HNRNPLL: variants seen among roughly 807,000 people sequenced by gnomAD.
HNRNPLL encodes heterogeneous nuclear ribonucleoprotein L-like.
Under a neutral mutation model 67.1 loss-of-function variants are expected in HNRNPLL, and 25 were observed. The ratio of observed to expected loss-of-function variants is 0.37; its 90% CI spans 0.27 to 0.52. The LOEUF is 0.52. Among genes scored for constraint, HNRNPLL ranks in the 20% least tolerant of loss-of-function variants. HNRNPLL has a pLI of 0.90. For missense variants in HNRNPLL, 542 were observed against 673.9 expected, an observed-to-expected ratio of 0.80 and a Z score of 2.17; for synonymous variants, 267 against 241.7, an observed-to-expected ratio of 1.10 and a Z score of -0.97.
intron 8 of HNRNPLL, among the ~76,000 whole-genome samples, chr2:38,570,159 T>TA (rs1448302113): frequency 1.3e-5 from 2 of 152,198 alleles, no homozygotes; most frequent in East Asian, 3.8e-4. Flanking sequence ...CTAACTCTGT[T>TA]ATGTATTAAT....
At chr2:38,599,488 G>A (rs567254292) in intron 1 of HNRNPLL, among the ~76,000 whole-genome samples, 2 of 152,100 alleles carry the variant, frequency 1.3e-5, no homozygotes, top group South Asian at 4.1e-4. Flanking sequence ...AAAAGTAACT[G>A]TATAATATGT....
chr2:38,597,176 G>A (rs1667228440), intron 1 of HNRNPLL, among the ~76,000 whole-genome samples: 3 of 152,184 alleles, frequency 2.0e-5, no homozygotes, highest in Non-Finnish European at 4.4e-5. Context: ...ATAAACATTA[G>A]TTGGCACATC....
chr2:38,573,571 G>A (rs747748563), intron 7 of HNRNPLL, 144 bp from the exon 8 acceptor site: 4 of 613,086 alleles, frequency 6.5e-6, no homozygotes, highest in Non-Finnish European at 1.1e-5. Flanking sequence ...TCAAATGTAT[G>A]AATATTTCAG....
rs371318942 is a variant in HNRNPLL, at chr2:38,569,908, G to A, written c.1110C>T (p.Thr370=). The stretch of plus-strand genomic sequence containing the variant: ...TTTCTACCAGTGCTGTACCAGGAAT[G>A]GTCTTCATAAATTTTACCTGTAAAC... The part of the protein sequence containing the change: ...GNIEKVKFMK[T]IPGTALVEMG... The change falls in exon 9 of 13, where the codon ACC becomes ACT. Residue 370 remains threonine, a synonymous_variant. Transcript: ENST00000449105. The A allele has an allele frequency of 1.3e-5, 20 of 1,590,318 alleles. No homozygotes were observed. Among genetic ancestry groups the A allele is most frequent in the Non-Finnish European group, 1.6e-5 (19 of 1,167,290 alleles).
chr2:38,581,232 T>C (rs1666519695), intron 6 of HNRNPLL: 1 of 152,240 alleles, frequency 6.6e-6, no homozygotes, highest in Non-Finnish European at 1.5e-5. Flanking sequence ...TTTACAACAT[T>C]GCAGATGAAG....
At chr2:38,595,061 CGAGGCTCAGGAGTTT>C (rs1667118327) in intron 1 of HNRNPLL, among the ~76,000 whole-genome samples, 1 of 151,208 alleles carries the variant, frequency 6.6e-6, no homozygotes, top group Non-Finnish European at 1.5e-5. Context: ...CTCAGGAGTT[CGAGGCTCAGGAGTTT>C]GAGACTAGCC....
In HNRNPLL at chr2:38,602,858, G is replaced by A. The variant is rs200327825; in HGVS notation, c.-232C>T. 1.9e-4 allele frequency: 287 copies of A among 1,549,314 alleles called. No homozygotes were observed. In the African/African-American group the frequency reaches 3.6e-3, roughly 19 times the overall value. On this transcript the variant is annotated 5_prime_UTR_variant, in exon 1 of 13. Coordinates refer to ENST00000449105, the MANE Select transcript of HNRNPLL (RefSeq NM_138394.4). The stretch of plus-strand genomic sequence containing the variant: ...GGAGCGGCCGCTCCTCTCAATTACC[G>A]AGCCAACATTCAGCCTCTCCCTCCT...
intron 6 of HNRNPLL, chr2:38,581,674 G>C (rs1417783173): frequency 1.9e-6 from 1 of 530,198 alleles, no homozygotes; most frequent in Non-Finnish European, 3.3e-6. Flanking sequence ...CTTGAACTGC[G>C]GGCGTGCCTG....
At chr2:38,569,371 T>C in intron 9 of HNRNPLL, 37 bp from the exon 10 acceptor site, 3 of 1,468,594 alleles carry the variant, frequency 2.0e-6, no homozygotes, top group Admixed American at 1.7e-5. Flanking sequence ...AAAAGTACTT[T>C]GTTAGATAAA....
chr2:38,569,483 T>G, intron 9 of HNRNPLL, 149 bp from the exon 10 acceptor site: 2 of 607,994 alleles, frequency 3.3e-6, no homozygotes, highest in South Asian at 2.1e-5. Flanking sequence ...TTAGTTTGGG[T>G]TATAATCAAT....
intron 6 of HNRNPLL, among the ~76,000 whole-genome samples, chr2:38,580,038 G>C (rs181909973): frequency 3.9e-5 from 6 of 152,170 alleles, no homozygotes; most frequent in African/African-American, 1.4e-4. Flanking sequence ...ACCTCAGCTG[G>C]CTTTGTGTAA....
At chr2:38,590,088 T>C (rs1403471409) in intron 2 of HNRNPLL, among the ~76,000 whole-genome samples, 1 of 152,230 alleles carries the variant, frequency 6.6e-6, no homozygotes, top group Non-Finnish European at 1.5e-5. Context: ...ATCAACTTAG[T>C]GATACACTTT....
chr2:38,587,112 A>G (rs1165936867), intron 2 of HNRNPLL, among the ~76,000 whole-genome samples: 1 of 152,188 alleles, frequency 6.6e-6, no homozygotes. Flanking sequence ...TCCAGTACTC[A>G]ATGACATCAC....
Position 38,564,048 on chromosome 2 carries a change from T to C in HNRNPLL, c.*134A>G, listed in dbSNP as rs1326697114. ...TACAACAAATTTACTCAAGGCAAAA[T>C]ATGTTTATTACAGAACAGGATCTTA... On this transcript the variant is annotated 3_prime_UTR_variant, in exon 13 of 13. Coordinates refer to ENST00000449105, the MANE Select transcript of HNRNPLL (RefSeq NM_138394.4). The C allele has an allele frequency of 1.5e-6, 1 of 646,660 alleles. No homozygotes were observed. The highest frequency in any genetic ancestry group is 1.9e-5 in the African/African-American group (1 of 53,986). 40.1% of individuals were successfully genotyped at this position (646,660 alleles called of 1,614,324 possible).
In HNRNPLL at chr2:38,564,046, A is replaced by C. The variant is rs1474765839; in HGVS notation, c.*136T>G. 3 of 644,236 alleles carry C rather than the reference A, an allele frequency of 4.7e-6. No homozygotes were observed. Among genetic ancestry groups the C allele is most frequent in the Non-Finnish European group, 8.4e-6 (3 of 355,466 alleles). The allele number at this position is 644,236 out of a possible 1,614,324, so 39.9% of individuals were successfully genotyped here. On this transcript the variant is annotated 3_prime_UTR_variant, in exon 13 of 13. Coordinates refer to ENST00000449105, the MANE Select transcript of HNRNPLL (RefSeq NM_138394.4). ...CTTACAACAAATTTACTCAAGGCAA[A>C]ATATGTTTATTACAGAACAGGATCT...
At chr2:38,597,531 A>G (rs1020170001) in intron 1 of HNRNPLL, among the ~76,000 whole-genome samples, 6 of 152,186 alleles carry the variant, frequency 3.9e-5, no homozygotes, top group Non-Finnish European at 5.9e-5. Context: ...TTTCCCTACT[A>G]AATTAAATAA....
In HNRNPLL at chr2:38,584,011, C is replaced by T. The variant is rs1666633081; in HGVS notation, c.547-85G>A. The stretch of plus-strand genomic sequence containing the variant: ...TACTTCGTTTTGTTTTACCTAAAAA[C>T]TATCAACTGTCAAGATGTCATTTCT... On this transcript the variant is annotated intron_variant, in intron 3 of 12. Coordinates refer to ENST00000449105, the MANE Select transcript of HNRNPLL (RefSeq NM_138394.4). The T allele has an allele frequency of 5.5e-6, 3 of 542,736 alleles. No homozygotes were observed. The African/African-American group carries it at 5.9e-5, about 11-fold the overall frequency. 33.6% of individuals were successfully genotyped at this position (542,736 alleles called of 1,614,324 possible).
At chr2:38,590,782 G>C (rs552807835) in intron 2 of HNRNPLL, among the ~76,000 whole-genome samples, 2 of 152,276 alleles carry the variant, frequency 1.3e-5, no homozygotes, top group South Asian at 4.1e-4. Flanking sequence ...TGAGGTGGGA[G>C]GATAGCTTGA....
At chr2:38,585,991 G>T in intron 2 of HNRNPLL, 110 bp from the exon 3 acceptor site, 3 of 745,138 alleles carry the variant, frequency 4.0e-6, no homozygotes, top group East Asian at 2.5e-5. Context: ...AAATCCCACA[G>T]TATTCTTCAC....
Sources: gnomAD v4.1 joint callset for allele counts (sites outside exome capture counted in the v4.1 genomes callset) on GRCh38, gnomAD v4.1.1 for gene constraint, MANE v1.5 for transcripts, NCBI Gene and HGNC (gene_info 2026-07-23, HGNC 2026-07-21) for gene names.